Variants in FAM83B observed in about 807,000 individuals in gnomAD.
The protein encoded by FAM83B is protein FAM83B.
In FAM83B, 26 loss-of-function variants were observed where a neutral mutation model predicts 38.8. That is an observed-to-expected ratio of 0.67 (90% CI 0.49 to 0.93). The LOEUF (loss-of-function observed/expected upper bound fraction) is 0.93, where lower values mean the gene tolerates loss of function less well. FAM83B is among the 40% of genes least tolerant of loss of function. FAM83B has a pLI of 0.00. For missense variants in FAM83B, 1,237 were observed against 1,197.3 expected (o/e 1.03, Z -0.49); for synonymous variants, 419 against 423.1 (o/e 0.99, Z 0.12).
At chr6:54,911,050 T>C (rs1772897080) in intron 2 of FAM83B, among the ~76,000 whole-genome samples, 1 of 152,122 alleles carries the variant, frequency 6.6e-6, no homozygotes, top group Admixed American at 6.5e-5. Context: ...AAATTATAGC[T>C]ATTTTTCTTT....
chr6:54,869,082 C>T (rs1180991777), intron 1 of FAM83B, among the ~76,000 whole-genome samples: 1 of 152,162 alleles, frequency 6.6e-6, no homozygotes, highest in African/African-American at 2.4e-5. Flanking sequence ...GGAGTAGTGA[C>T]TGAATGATTG....
intron 4 of FAM83B, among the ~76,000 whole-genome samples, chr6:54,933,580 T>C (rs530079648): frequency 1.3e-5 from 2 of 152,234 alleles, no homozygotes; most frequent in South Asian, 4.1e-4. Flanking sequence ...TTGCTAGTAT[T>C]CAGACATCTT....
At chr6:54,921,165 C>G (rs1422610979) in intron 2 of FAM83B, among the ~76,000 whole-genome samples, 1 of 151,934 alleles carries the variant, frequency 6.6e-6, no homozygotes, top group Non-Finnish European at 1.5e-5. Flanking sequence ...GACCTGTTGT[C>G]TCTTTCATTC....
intron 2 of FAM83B, among the ~76,000 whole-genome samples, chr6:54,890,057 A>C (rs1772365195): frequency 6.6e-6 from 1 of 152,122 alleles, no homozygotes; most frequent in South Asian, 2.1e-4. Context: ...CCATAAATAA[A>C]ACCAAATACA....
chr6:54,878,770 A>G (rs1054867740), intron 2 of FAM83B, among the ~76,000 whole-genome samples: 2 of 152,166 alleles, frequency 1.3e-5, no homozygotes, highest in Admixed American at 1.3e-4. Flanking sequence ...AGAGACATCA[A>G]TTTTAAACCT....
intron 2 of FAM83B, among the ~76,000 whole-genome samples, chr6:54,901,411 C>G (rs1772657332): frequency 6.9e-6 from 1 of 145,600 alleles, no homozygotes; most frequent in African/African-American, 2.7e-5. Context: ...TGATAAAAGC[C>G]TGTTACAAGA....
intron 2 of FAM83B, among the ~76,000 whole-genome samples, chr6:54,921,030 A>C (rs1773155678): frequency 6.6e-6 from 1 of 151,936 alleles, no homozygotes; most frequent in African/African-American, 2.4e-5. Flanking sequence ...TTAATTCAAT[A>C]AACATTTGTT....
At chr6:54,876,371 T>C (rs1322627124) in intron 2 of FAM83B, among the ~76,000 whole-genome samples, 2 of 144,980 alleles carry the variant, frequency 1.4e-5, no homozygotes, top group African/African-American at 2.6e-5. Context: ...TTGCCCAGGC[T>C]GGAGTGAAAT....
intron 2 of FAM83B, among the ~76,000 whole-genome samples, chr6:54,876,656 T>C (rs540589982): frequency 1.3e-5 from 2 of 152,156 alleles, no homozygotes; most frequent in East Asian, 1.9e-4. Context: ...AGAAATGTTT[T>C]TGAGACTATT....
intron 2 of FAM83B, among the ~76,000 whole-genome samples, chr6:54,919,271 T>G (rs951187713): frequency 6.6e-6 from 1 of 152,156 alleles, no homozygotes; most frequent in African/African-American, 2.4e-5. Flanking sequence ...ACAGAGCTGA[T>G]ATAAAGATTT....
At chr6:54,871,745 CAAAAAAAAA>C (rs34323872) in intron 2 of FAM83B, among the ~76,000 whole-genome samples, 4 of 29,030 alleles carry the variant, frequency 1.4e-4, no homozygotes, top group Non-Finnish European at 1.8e-4. Context: ...CCTGTCTCAC[CAAAAAAAAA>C]AAAAAAAAAA....
intron 4 of FAM83B, 33 bp from the exon 5 acceptor site, chr6:54,939,672 TA>T: frequency 6.6e-7 from 1 of 1,524,868 alleles, no homozygotes; most frequent in Non-Finnish European, 8.8e-7. Context: ...ATCAATCTTT[TA>T]AATGATTAAA....
chr6:54,852,713 A>C (rs1771333766), intron 1 of FAM83B, among the ~76,000 whole-genome samples: 1 of 152,218 alleles, frequency 6.6e-6, no homozygotes, highest in African/African-American at 2.4e-5. Context: ...CAAATTGTGA[A>C]AGCAAAGGAA....
At chr6:54,922,235 G>A (rs573393982) in intron 2 of FAM83B, among the ~76,000 whole-genome samples, 1 of 151,946 alleles carries the variant, frequency 6.6e-6, no homozygotes, top group Non-Finnish European at 1.5e-5. Context: ...CTAAAGTAAT[G>A]TGTTACATGC....
At chr6:54,856,164 T>C (rs1771441307) in intron 1 of FAM83B, among the ~76,000 whole-genome samples, 2 of 152,180 alleles carry the variant, frequency 1.3e-5, no homozygotes, top group Admixed American at 6.5e-5. Context: ...AACTTTGAGC[T>C]GCGAAGGAGT....
rs967142621 is a variant in FAM83B, at chr6:54,898,256, C to T, written c.444+27566C>T. Among the ~76,000 whole-genome samples, 11 of 152,116 alleles carry T rather than the reference C, an allele frequency of 7.2e-5. 1 individual carries two copies. Among genetic ancestry groups the T allele is most frequent in the Admixed American group, 5.2e-4 (8 of 15,260 alleles). ...ATTGCTATTTTCTGATGCTCTTCTC[C>T]GTCCAATATGTCTCTAGCTTAGAAA... On this transcript the variant is annotated intron_variant, in intron 2 of 4. Transcript: ENST00000306858.
intron 4 of FAM83B, among the ~76,000 whole-genome samples, chr6:54,938,720 T>A (rs1020921967): frequency 6.6e-6 from 1 of 152,174 alleles, no homozygotes; most frequent in Admixed American, 6.6e-5. Flanking sequence ...GGATTATTTG[T>A]TTTTTTCTTG....
intron 4 of FAM83B, among the ~76,000 whole-genome samples, chr6:54,929,374 T>A (rs1423368706): frequency 6.6e-6 from 1 of 152,126 alleles, no homozygotes; most frequent in Non-Finnish European, 1.5e-5. Context: ...TGGGATATCA[T>A]TGGATTCTAA....
Position 54,870,189 on chromosome 6 carries a change from A to G in FAM83B, c.-58A>G. 7.0e-6 allele frequency: 9 copies of G among 1,285,254 alleles called. No homozygotes were observed. Among genetic ancestry groups the G allele is most frequent in the South Asian group, 4.1e-5 (3 of 73,836 alleles). 79.6% of individuals were successfully genotyped at this position (1,285,254 alleles called of 1,614,324 possible). On this transcript the variant is annotated splice_region_variant and 5_prime_UTR_variant, in exon 2 of 5. In the 5' UTR this introduces an upstream ATG that the reference lacks. Coordinates refer to ENST00000306858, the MANE Select transcript of FAM83B (RefSeq NM_001010872.3). ...ATTTTCTTCTTTTCAAATACCAGAT[A>G]CTTCTCACCACTGCATGAATGGACA...
Sources: gnomAD v4.1 joint callset for allele counts (sites outside exome capture counted in the v4.1 genomes callset) on GRCh38, gnomAD v4.1.1 for gene constraint, MANE v1.5 for transcripts, NCBI Gene and HGNC (gene_info 2026-07-23, HGNC 2026-07-21) for gene names.